Variants in CCDC81 observed in about 807,000 individuals in gnomAD.
CCDC81 encodes coiled-coil domain-containing protein 81.
Under a neutral mutation model 83.7 loss-of-function variants are expected in CCDC81, and 79 were observed. The ratio of observed to expected loss-of-function variants is 0.94; its 90% confidence interval spans 0.79 to 1.14. The LOEUF (loss-of-function observed/expected upper bound fraction) is 1.14. Ranked by LOEUF, CCDC81 falls within the 50% of genes most tolerant of loss-of-function variation. The pLI is 0.00. For missense variants in CCDC81, 791 were observed against 778.1 expected (o/e 1.02, Z -0.20); for synonymous variants, 252 against 278.1 (o/e 0.91, Z 0.93).
chr11:86,385,554 A>T (rs1948230701), intron 1 of CCDC81, among the ~76,000 whole-genome samples: 1 of 152,216 alleles, frequency 6.6e-6, no homozygotes, highest in Admixed American at 6.5e-5. Context: ...AGATTTGAGG[A>T]TTTAGCAAAA....
At chr11:86,420,705 T>C (rs987311278) in intron 14 of CCDC81, among the ~76,000 whole-genome samples, 2 of 152,246 alleles carry the variant, frequency 1.3e-5, no homozygotes, top group African/African-American at 2.4e-5. Flanking sequence ...TTTTTAATCA[T>C]GGATAAAATT....
intron 1 of CCDC81, among the ~76,000 whole-genome samples, chr11:86,385,662 C>T (rs958091005): frequency 6.6e-6 from 1 of 152,134 alleles, no homozygotes; most frequent in Admixed American, 6.5e-5. Flanking sequence ...TGAGAATGAA[C>T]GTTCTTATTA....
At chr11:86,421,085 G>A (rs980530880) in intron 14 of CCDC81, among the ~76,000 whole-genome samples, 1 of 152,150 alleles carries the variant, frequency 6.6e-6, no homozygotes, top group Admixed American at 6.5e-5. Context: ...GTATATCGTG[G>A]AGCAGACTTC....
intron 3 of CCDC81, among the ~76,000 whole-genome samples, chr11:86,388,235 T>TC (rs200651440): frequency 1.3e-5 from 2 of 149,870 alleles, no homozygotes; most frequent in African/African-American, 2.5e-5. Flanking sequence ...CTTCCTTCCT[T>TC]CTTCAAATAT....
intron 7 of CCDC81, among the ~76,000 whole-genome samples, chr11:86,401,254 A>C (rs1218759282): frequency 6.6e-6 from 1 of 152,220 alleles, no homozygotes; most frequent in Non-Finnish European, 1.5e-5. Flanking sequence ...ATTACAATTT[A>C]TCATGGTCGT....
chr11:86,404,198 C>G (rs77048042), intron 7 of CCDC81, among the ~76,000 whole-genome samples: 1 of 152,100 alleles, frequency 6.6e-6, no homozygotes, highest in African/African-American at 2.4e-5. Flanking sequence ...TCAGCATTCG[C>G]CCCACCCCAG....
At chr11:86,385,523 T>C (rs1357159078) in intron 1 of CCDC81, among the ~76,000 whole-genome samples, 1 of 152,142 alleles carries the variant, frequency 6.6e-6, no homozygotes, top group Non-Finnish European at 1.5e-5. Context: ...AGCTTAGCAG[T>C]GAAAAATGAG....
chr11:86,414,934 T>C, intron 12 of CCDC81, 67 bp downstream of exon 12: 1 of 1,443,268 alleles, frequency 6.9e-7, no homozygotes, highest in South Asian at 1.3e-5. Flanking sequence ...AAAATATGTG[T>C]AAGTTGTTAC....
At chr11:86,415,922 C>T (rs1394026711) in intron 13 of CCDC81, among the ~76,000 whole-genome samples, 8 of 152,088 alleles carry the variant, frequency 5.3e-5, no homozygotes, top group Non-Finnish European at 1.2e-4. Flanking sequence ...AATCCTCCTG[C>T]CTCAGCTTCC....
At chr11:86,384,247 A>G (rs917554574) in intron 1 of CCDC81, among the ~76,000 whole-genome samples, 3 of 152,192 alleles carry the variant, frequency 2.0e-5, no homozygotes, top group Admixed American at 1.3e-4. Flanking sequence ...TGAAAGTTTT[A>G]ATTCAGTATA....
chr11:86,405,961 C>T (rs1163195514), intron 7 of CCDC81, among the ~76,000 whole-genome samples: 1 of 152,092 alleles, frequency 6.6e-6, no homozygotes, highest in South Asian at 2.1e-4. Flanking sequence ...CAGGGTTTCA[C>T]CATGTTGGCC....
At chr11:86,411,067 A>T (rs1341241135) in intron 10 of CCDC81, among the ~76,000 whole-genome samples, 1 of 152,194 alleles carries the variant, frequency 6.6e-6, no homozygotes, top group Non-Finnish European at 1.5e-5. Flanking sequence ...GTTAACCAAA[A>T]CATACTATTC....
Position 86,420,067 on chromosome 11 carries a change from G to A in CCDC81, c.1817+14G>A, listed in dbSNP as rs777289847. 1 of 1,606,740 alleles carries A rather than the reference G, an allele frequency of 6.2e-7. No homozygotes were observed. The highest frequency in any genetic ancestry group is 8.5e-7 in the Non-Finnish European group (1 of 1,177,748). ...GGCTTTTGAACGGTAATGCCTGATT[G>A]GAACCCCAAAATTCTCCTGCTCCTT... On this transcript the variant is annotated intron_variant, in intron 14 of 14. Coordinates refer to ENST00000445632, the MANE Select transcript of CCDC81 (RefSeq NM_001156474.2).
intron 11 of CCDC81, among the ~76,000 whole-genome samples, chr11:86,412,825 TG>T (rs752154519): frequency 4.6e-5 from 7 of 152,164 alleles, no homozygotes; most frequent in Non-Finnish European, 1.0e-4. Context: ...TGTGGGGCTC[TG>T]GCCACACGGC....
At chr11:86,385,950 C>T in intron 1 of CCDC81, 101 bp from the exon 2 acceptor site, 1 of 490,002 alleles carries the variant, frequency 2.0e-6, no homozygotes, top group Non-Finnish European at 3.7e-6. Context: ...ATGTCATTTG[C>T]TTCCACATTT....
intron 7 of CCDC81, among the ~76,000 whole-genome samples, chr11:86,403,509 A>G (rs903420135): frequency 6.6e-6 from 1 of 152,198 alleles, no homozygotes; most frequent in Non-Finnish European, 1.5e-5. Context: ...TAGAAGAGTA[A>G]AGAATGATTT....
At chr11:86,422,482 T>C (rs1948806059) in intron 14 of CCDC81, 92 bp from the exon 15 acceptor site, 1 of 1,191,132 alleles carries the variant, frequency 8.4e-7, no homozygotes, top group Non-Finnish European at 1.2e-6. Context: ...GTGTCACTTT[T>C]CTTTTGTGTA....
At chr11:86,406,928 C>T (rs1948573932) in intron 7 of CCDC81, among the ~76,000 whole-genome samples, 1 of 152,110 alleles carries the variant, frequency 6.6e-6, no homozygotes, top group South Asian at 2.1e-4. Flanking sequence ...TTAATACTCA[C>T]CCCTAATTCA....
intron 7 of CCDC81, among the ~76,000 whole-genome samples, chr11:86,406,789 A>C (rs756637397): frequency 1.3e-5 from 2 of 152,230 alleles, no homozygotes; most frequent in African/African-American, 2.4e-5. Context: ...TGGGTGACAG[A>C]GCGAGACTCT....
Sources: gnomAD v4.1 joint callset for allele counts (sites outside exome capture counted in the v4.1 genomes callset) on GRCh38, gnomAD v4.1.1 for gene constraint, MANE v1.5 for transcripts, NCBI Gene and HGNC (gene_info 2026-07-23, HGNC 2026-07-21) for gene names.